ZNF148: variants seen among roughly 807,000 people sequenced by gnomAD.
The protein encoded by ZNF148 is Beta-Enolase Repressor Factor-1.
Under a neutral mutation model 67.7 loss-of-function variants are expected in ZNF148, and 7 were observed. The observed-to-expected ratio is 0.10, with a 90% CI of 0.06 to 0.19. The LOEUF is 0.19. Among genes scored for constraint, ZNF148 ranks in the 10% least tolerant of loss-of-function variants. ZNF148 has a pLI of 1.00. For synonymous variants in ZNF148, 333 were observed against 330.7 expected (o/e 1.01, Z -0.08); for missense variants, 583 against 947.1 (o/e 0.62, Z 5.05).
intron 7 of ZNF148, among the ~76,000 whole-genome samples, chr3:125,265,437 C>T (rs1033851115): frequency 1.3e-5 from 2 of 152,200 alleles, no homozygotes; most frequent in African/African-American, 2.4e-5. Flanking sequence ...GGATTTGTCA[C>T]GGAATCCTAA....
chr3:125,352,510 T>C (rs1170663312), intron 1 of ZNF148, among the ~76,000 whole-genome samples: 1 of 152,102 alleles, frequency 6.6e-6, no homozygotes, highest in Non-Finnish European at 1.5e-5. Flanking sequence ...ACTGTATAGC[T>C]TAAGTGGGTG....
chr3:125,255,001 T>A (rs1937008668), intron 7 of ZNF148, among the ~76,000 whole-genome samples: 1 of 152,156 alleles, frequency 6.6e-6, no homozygotes, highest in Admixed American at 6.5e-5. Context: ...CTTTTAGTGA[T>A]TATACAGAAA....
At chr3:125,252,475 G>C (rs1936882542) in intron 7 of ZNF148, among the ~76,000 whole-genome samples, 1 of 152,024 alleles carries the variant, frequency 6.6e-6, no homozygotes, top group Non-Finnish European at 1.5e-5. Context: ...CCTAGACCTA[G>C]CAACATTCAT....
At chr3:125,371,634 G>A (rs1449368084) in intron 1 of ZNF148, among the ~76,000 whole-genome samples, 5 of 143,822 alleles carry the variant, frequency 3.5e-5, no homozygotes, top group Non-Finnish European at 6.0e-5. Flanking sequence ...ACTTCAGCCT[G>A]AGCGACAAAG....
chr3:125,353,957 C>A (rs1043024325), intron 1 of ZNF148, among the ~76,000 whole-genome samples: 1 of 151,974 alleles, frequency 6.6e-6, no homozygotes, highest in Non-Finnish European at 1.5e-5. Flanking sequence ...GGTGGAGGTA[C>A]AGATGACATA....
chr3:125,282,489 T>A (rs1366181485), intron 5 of ZNF148, among the ~76,000 whole-genome samples: 1 of 152,176 alleles, frequency 6.6e-6, no homozygotes, highest in Admixed American at 6.5e-5. Context: ...AGAAATATGG[T>A]ATATTACATA....
At chr3:125,371,634 G>T (rs1449368084) in intron 1 of ZNF148, among the ~76,000 whole-genome samples, 1 of 143,822 alleles carries the variant, frequency 7.0e-6, no homozygotes, top group Non-Finnish European at 1.5e-5. Context: ...ACTTCAGCCT[G>T]AGCGACAAAG....
chr3:125,299,738 C>T (rs1384780446), intron 4 of ZNF148, among the ~76,000 whole-genome samples: 1 of 152,098 alleles, frequency 6.6e-6, no homozygotes, highest in African/African-American at 2.4e-5. Context: ...AAGCAATAAA[C>T]ACGACTCTCA....
chr3:125,236,966 T>A (rs926509497), intron 7 of ZNF148, among the ~76,000 whole-genome samples: 7 of 152,186 alleles, frequency 4.6e-5, no homozygotes, highest in Non-Finnish European at 8.8e-5. Flanking sequence ...GGGTAATGAA[T>A]GCATTAACTA....
At chr3:125,368,762 C>A (rs951646425) in intron 1 of ZNF148, among the ~76,000 whole-genome samples, 1 of 148,082 alleles carries the variant, frequency 6.8e-6, no homozygotes, top group African/African-American at 2.5e-5. Flanking sequence ...CTGGCCAACA[C>A]GGCGAAACCC....
At chr3:125,294,986 T>C (rs1939207881) in intron 4 of ZNF148, among the ~76,000 whole-genome samples, 1 of 152,206 alleles carries the variant, frequency 6.6e-6, no homozygotes, top group Non-Finnish European at 1.5e-5. Context: ...TACCTTTCAG[T>C]CCAGGACTGC....
At chr3:125,331,033 A>C (rs1048759242) in intron 2 of ZNF148, 125 bp downstream of exon 2, 2 of 395,400 alleles carry the variant, frequency 5.1e-6, no homozygotes, top group Non-Finnish European at 8.9e-6. Context: ...TTATATGAAT[A>C]TAAAAAGAAA....
In ZNF148 at chr3:125,232,817, G is replaced by C. The variant is rs1179116007; in HGVS notation, c.1909C>G (p.Leu637Val). ...GAAGAGAATGCTGGCTGATTTGGGA[G>C]GGTCTGGTTATCAGTCACAAAGTTA... ...SLNFVTDNQT[L>V]PNQPAFSSID... is the part of the protein sequence containing the mutation. Residue 637 changes from leucine to valine, a missense_variant, in exon 9 of 9, where the codon CTC (leucine) becomes GTC (valine). Around this residue, in one of 5 missense-constraint regions of ZNF148, gnomAD observed 158 missense variants for 208.4 expected, o/e 0.76. Coordinates refer to ENST00000360647, the MANE Select transcript of ZNF148 (RefSeq NM_021964.3). The surrounding 1 kb of genome is among the most constrained non-coding windows in gnomAD (Gnocchi z 4.2). 1 of 1,613,866 alleles carries C rather than the reference G, an allele frequency of 6.2e-7. No individual in the cohort carries two copies. The highest frequency in any genetic ancestry group is 2.2e-5 in the East Asian group (1 of 44,876).
At chr3:125,321,665 GA>G (rs1418982199) in intron 3 of ZNF148, among the ~76,000 whole-genome samples, 1 of 152,084 alleles carries the variant, frequency 6.6e-6, no homozygotes, top group African/African-American at 2.4e-5. Flanking sequence ...TTAACAAGGA[GA>G]GGGGGAGGGA....
At chr3:125,320,886 G>GT (rs1940740033) in intron 3 of ZNF148, among the ~76,000 whole-genome samples, 3 of 152,110 alleles carry the variant, frequency 2.0e-5, no homozygotes, top group Admixed American at 2.0e-4. Flanking sequence ...GTTTCTAACC[G>GT]TGAGAAATTA....
intron 1 of ZNF148, among the ~76,000 whole-genome samples, chr3:125,356,230 G>A (rs745619966): frequency 6.6e-6 from 1 of 152,124 alleles, no homozygotes; most frequent in African/African-American, 2.4e-5. Flanking sequence ...ACGTTCACAC[G>A]TTCATTTTTT....
rs138867765 is a variant in ZNF148 at position 125,305,446 on chromosome 3, G to A, written c.333+7862C>T. Reference sequence around the variant, plus strand: ...GTCTTTTGGCTAACAAACTTTAACTGCTGGACTTTAGCAGCTCTCTCCCAG... The same window carrying A: ...GTCTTTTGGCTAACAAACTTTAACTACTGGACTTTAGCAGCTCTCTCCCAG... On this transcript the variant is annotated intron_variant, in intron 4 of 8. Coordinates refer to ENST00000360647, the MANE Select transcript of ZNF148 (RefSeq NM_021964.3). Among the ~76,000 whole-genome samples, 714 of 152,298 alleles carry A rather than the reference G, an allele frequency of 4.7e-3. 6 individuals carry two copies. Among genetic ancestry groups the A allele is most frequent in the Non-Finnish European group, 8.5e-3 (579 of 68,026 alleles).
chr3:125,335,548 A>G (rs542565203), intron 1 of ZNF148, among the ~76,000 whole-genome samples: 1 of 152,320 alleles, frequency 6.6e-6, no homozygotes, highest in African/African-American at 2.4e-5. Context: ...TATAAACTTT[A>G]TGAAACACTG....
chr3:125,310,876 C>G, intron 4 of ZNF148: 1 of 211,148 alleles, frequency 4.7e-6, no homozygotes, highest in Non-Finnish European at 1.0e-5. Flanking sequence ...CGCATTTTCA[C>G]TCTGCCATGC....
Sources: gnomAD v4.1 joint callset for allele counts (sites outside exome capture counted in the v4.1 genomes callset) on GRCh38, gnomAD v4.1.1 for gene constraint, gnomAD v4.1.1 regional missense constraint, Gnocchi (gnomAD v3.1) non-coding constraint, MANE v1.5 for transcripts, NCBI Gene and HGNC (gene_info 2026-07-23, HGNC 2026-07-21) for gene names.